MDGA2: variants seen among roughly 807,000 people sequenced by gnomAD.
MDGA2 encodes the protein MAM domain-containing glycosylphosphatidylinositol anchor protein 2.
Under a neutral mutation model 117.8 loss-of-function variants are expected in MDGA2, and 40 were observed. The ratio of observed to expected loss-of-function variants is 0.34; its 90% CI spans 0.26 to 0.44. The LOEUF (loss-of-function observed/expected upper bound fraction) is 0.44. Ranked by LOEUF, MDGA2 falls within the 20% of genes least tolerant of loss-of-function variation. The pLI, the probability that MDGA2 is intolerant of heterozygous loss-of-function variation, is 1.00. For synonymous variants in MDGA2, 452 were observed against 439.0 expected (o/e 1.03, Z -0.37); for missense variants, 1,123 against 1,250.6 (o/e 0.90, Z 1.54).
In MDGA2 at chr14:47,583,535, G is replaced by C. The variant is rs554924082; in HGVS notation, c.280+90982C>G. On this transcript the variant is annotated intron_variant, in intron 1 of 16. Coordinates refer to ENST00000399232, the MANE Select transcript of MDGA2 (RefSeq NM_001113498.3). The stretch of plus-strand genomic sequence containing the variant: ...ACGTATGTTGAGTTCTCTCAACCTT[G>C]AAAAATTGATAAATATCTTAACACC... Among the ~76,000 whole-genome samples the C allele has an allele frequency of 1.9e-4, 29 of 151,920 alleles. No homozygotes were observed. In the South Asian group the frequency reaches 5.8e-3, roughly 30 times the overall value.
chr14:47,445,848 A>C (rs1893111124), intron 1 of MDGA2, among the ~76,000 whole-genome samples: 1 of 152,204 alleles, frequency 6.6e-6, no homozygotes, highest in African/African-American at 2.4e-5. Context: ...GCACAAACAG[A>C]AAAAGCAAAC....
intron 6 of MDGA2, among the ~76,000 whole-genome samples, chr14:47,074,675 T>C (rs775157112): frequency 5.3e-5 from 8 of 152,238 alleles, no homozygotes; most frequent in South Asian, 2.1e-4. Context: ...CTGCATTTGC[T>C]GTATACAACC....
At chr14:46,938,393 G>T (rs988751473) in intron 9 of MDGA2, among the ~76,000 whole-genome samples, 1 of 151,646 alleles carries the variant, frequency 6.6e-6, no homozygotes, top group African/African-American at 2.4e-5. Flanking sequence ...AAAAAAATTA[G>T]CTGGGTGTAG....
At chr14:47,299,567 A>T (rs1889205635) in intron 2 of MDGA2, 1 of 152,242 alleles carries the variant, frequency 6.6e-6, no homozygotes, top group South Asian at 2.1e-4. Flanking sequence ...TAATCAAATT[A>T]TAACAACACT....
intron 1 of MDGA2, among the ~76,000 whole-genome samples, chr14:47,451,532 TA>T (rs1360841619): frequency 6.6e-6 from 1 of 152,046 alleles, no homozygotes; most frequent in Admixed American, 6.6e-5. Context: ...AATCTTAACA[TA>T]AACTAAAGGA....
intron 1 of MDGA2, among the ~76,000 whole-genome samples, chr14:47,349,952 A>G (rs1337509450): frequency 1.3e-5 from 2 of 152,220 alleles, no homozygotes; most frequent in Admixed American, 6.5e-5. Context: ...CTATCACATC[A>G]GATACATCCA....
At chr14:47,049,600 G>A (rs1052768350) in intron 7 of MDGA2, among the ~76,000 whole-genome samples, 1 of 151,824 alleles carries the variant, frequency 6.6e-6, no homozygotes, top group East Asian at 1.9e-4. Flanking sequence ...TGTTACATGA[G>A]TATATTCCAT....
intron 6 of MDGA2, among the ~76,000 whole-genome samples, chr14:47,066,423 A>T (rs1426071457): frequency 6.6e-6 from 1 of 152,212 alleles, no homozygotes; most frequent in Non-Finnish European, 1.5e-5. Context: ...AATAGGAAAA[A>T]GAACAGATTT....
chr14:47,669,066 T>A lies in MDGA2; in HGVS notation c.280+5451A>T, dbSNP rs1337026808. On this transcript the variant is annotated intron_variant, in intron 1 of 16. Coordinates refer to ENST00000399232, the MANE Select transcript of MDGA2 (RefSeq NM_001113498.3). ...AAAATACAATTGAACTCACAAGGCT[T>A]ATGCTATAATCCCATCCCCATGAGT... is the stretch of plus-strand genomic sequence containing the variant. Among the ~76,000 whole-genome samples, 8 of 152,326 alleles carry A rather than the reference T, an allele frequency of 5.3e-5. No individual in the cohort carries two copies. The East Asian group carries it at 1.5e-3, about 29-fold the overall frequency.
intron 3 of MDGA2, among the ~76,000 whole-genome samples, chr14:47,164,004 G>A (rs1883756389): frequency 6.6e-6 from 1 of 152,128 alleles, no homozygotes; most frequent in Non-Finnish European, 1.5e-5. Flanking sequence ...CTCACAGACT[G>A]TTTTCCAAAT....
At chr14:47,408,150 G>A (rs911722926) in intron 1 of MDGA2, among the ~76,000 whole-genome samples, 9 of 145,872 alleles carry the variant, frequency 6.2e-5, no homozygotes, top group Non-Finnish European at 1.0e-4. Context: ...CCACATCCCG[G>A]GTTCAAGCAA....
chr14:47,164,116 G>T (rs1237432369), intron 3 of MDGA2, among the ~76,000 whole-genome samples: 1 of 152,174 alleles, frequency 6.6e-6, no homozygotes, highest in Non-Finnish European at 1.5e-5. Context: ...ATTTAAATCA[G>T]CCAATTTTGA....
At chr14:47,486,076 C>T (rs1894054238) in intron 1 of MDGA2, among the ~76,000 whole-genome samples, 1 of 152,294 alleles carries the variant, frequency 6.6e-6, no homozygotes, top group African/African-American at 2.4e-5. Flanking sequence ...CACGGACAGC[C>T]TGCATCATGC....
chr14:47,449,237 G>A (rs1479328819), intron 1 of MDGA2, among the ~76,000 whole-genome samples: 1 of 152,004 alleles, frequency 6.6e-6, no homozygotes, highest in East Asian at 1.9e-4. Context: ...TGTGTCTGAA[G>A]AGTATACTTT....
chr14:46,902,333 C>A (rs1295351293), intron 10 of MDGA2, among the ~76,000 whole-genome samples: 1 of 152,086 alleles, frequency 6.6e-6, no homozygotes, highest in Non-Finnish European at 1.5e-5. Context: ...ATAAATAAAA[C>A]TTTGCAGATA....
chr14:47,199,950 T>C (rs932311265), intron 3 of MDGA2, among the ~76,000 whole-genome samples: 2 of 151,614 alleles, frequency 1.3e-5, no homozygotes, highest in African/African-American at 4.8e-5. Flanking sequence ...CTCAGTAACA[T>C]AAAATACAGA....
At chr14:47,013,002 G>C (rs150149107) in intron 8 of MDGA2, among the ~76,000 whole-genome samples, 1 of 152,232 alleles carries the variant, frequency 6.6e-6, no homozygotes, top group Admixed American at 6.5e-5. Flanking sequence ...TTTTGCTGAA[G>C]TGTCTTGCCT....
chr14:47,537,598 A>C (rs1435914347), intron 1 of MDGA2, among the ~76,000 whole-genome samples: 2 of 145,150 alleles, frequency 1.4e-5, no homozygotes, highest in East Asian at 2.0e-4. Context: ...AAAAAAAAAA[A>C]AAAAAAAAAA....
At chr14:47,561,973 T>C (rs1266619588) in intron 1 of MDGA2, among the ~76,000 whole-genome samples, 1 of 152,230 alleles carries the variant, frequency 6.6e-6, no homozygotes, top group Non-Finnish European at 1.5e-5. Flanking sequence ...TTTCCACATC[T>C]ATTAAGATGA....
Sources: allele counts gnomAD v4.1 joint callset (sites outside exome capture counted in the v4.1 genomes callset), GRCh38; gene constraint gnomAD v4.1.1; transcripts MANE v1.5; gene names NCBI Gene and HGNC (gene_info 2026-07-23, HGNC 2026-07-21).